Variants in RNF13 observed in about 807,000 individuals in gnomAD.
RNF13 encodes the protein E3 ubiquitin-protein ligase RNF13.
Under a neutral mutation model 37.7 loss-of-function variants are expected in RNF13, and 19 were observed. The ratio of observed to expected loss-of-function variants is 0.50; its 90% CI spans 0.35 to 0.74. The LOEUF is 0.74. Among genes scored for constraint, RNF13 ranks in the 30% least tolerant of loss-of-function variants. The pLI is 0.01. For synonymous variants in RNF13, 144 were observed against 157.8 expected (o/e 0.91, Z 0.65); for missense variants, 375 against 453.0 (o/e 0.83, Z 1.56).
intron 6 of RNF13, among the ~76,000 whole-genome samples, chr3:149,903,151 A>G (rs1199475139): frequency 6.6e-6 from 1 of 152,074 alleles, no homozygotes; most frequent in Non-Finnish European, 1.5e-5. Flanking sequence ...CTGTTCACAT[A>G]TTATATGCTC....
chr3:149,830,716 T>C (rs1009382402), intron 1 of RNF13, among the ~76,000 whole-genome samples: 3 of 150,352 alleles, frequency 2.0e-5, no homozygotes, highest in Non-Finnish European at 3.0e-5. Context: ...GCTGTAGAAA[T>C]TTGCTTAAGT....
At chr3:149,862,686 T>C (rs1278003516) in intron 3 of RNF13, among the ~76,000 whole-genome samples, 1 of 152,196 alleles carries the variant, frequency 6.6e-6, no homozygotes, top group East Asian at 1.9e-4. Context: ...TGCTGGTAGA[T>C]GCCAGTTTTT....
chr3:149,863,219 G>T (rs1435342826), intron 3 of RNF13, among the ~76,000 whole-genome samples: 1 of 152,110 alleles, frequency 6.6e-6, no homozygotes, highest in East Asian at 1.9e-4. Context: ...TAACCAGGTT[G>T]TGTTCAACTA....
At chr3:149,823,133 A>G (rs1316158773) in intron 1 of RNF13, among the ~76,000 whole-genome samples, 4 of 152,252 alleles carry the variant, frequency 2.6e-5, no homozygotes, top group South Asian at 4.1e-4. Flanking sequence ...TGGGCAAGTA[A>G]CTGAACACTT....
At chr3:149,873,557 C>A (rs73155092) in intron 4 of RNF13, among the ~76,000 whole-genome samples, 4,916 of 152,180 alleles carry the variant, frequency 0.032, 109 homozygotes, top group Non-Finnish European at 0.046. Flanking sequence ...AGCCATACTG[C>A]CTACCTGAAC....
At chr3:149,863,037 A>G (rs1724429704) in intron 3 of RNF13, among the ~76,000 whole-genome samples, 1 of 152,220 alleles carries the variant, frequency 6.6e-6, no homozygotes, top group South Asian at 2.1e-4. Context: ...TACCCTTATT[A>G]AGGTATTGTA....
At chr3:149,864,252 A>G (rs1724567738) in intron 3 of RNF13, among the ~76,000 whole-genome samples, 1 of 151,922 alleles carries the variant, frequency 6.6e-6, no homozygotes. Flanking sequence ...CTAGTTGTTC[A>G]AGAGTCTGGC....
At chr3:149,820,790 C>G (rs1198151131) in intron 1 of RNF13, among the ~76,000 whole-genome samples, 1 of 152,154 alleles carries the variant, frequency 6.6e-6, no homozygotes, top group Non-Finnish European at 1.5e-5. Flanking sequence ...AATCTCATAC[C>G]TATTAAGCAG....
chr3:149,916,048 G>A (rs974801190), intron 7 of RNF13, among the ~76,000 whole-genome samples: 2 of 151,822 alleles, frequency 1.3e-5, no homozygotes, highest in Admixed American at 1.3e-4. Flanking sequence ...CAAAATTATA[G>A]CCTCATAAAA....
At chr3:149,896,796 C>T (rs1715318808) in intron 5 of RNF13, among the ~76,000 whole-genome samples, 1 of 151,820 alleles carries the variant, frequency 6.6e-6, no homozygotes, top group Non-Finnish European at 1.5e-5. Flanking sequence ...TCCTTCTTAA[C>T]CCTAATAGAG....
At chr3:149,837,252 C>A (rs1251762774) in intron 1 of RNF13, among the ~76,000 whole-genome samples, 3 of 152,106 alleles carry the variant, frequency 2.0e-5, no homozygotes, top group Non-Finnish European at 4.4e-5. Context: ...AATTCTCAAA[C>A]ATATAGAAAA....
intron 8 of RNF13, among the ~76,000 whole-genome samples, chr3:149,953,958 A>G (rs574840274): frequency 6.6e-6 from 1 of 152,242 alleles, no homozygotes; most frequent in Non-Finnish European, 1.5e-5. Flanking sequence ...TAGTGTCATC[A>G]AAATTCAGTT....
At chr3:149,921,294 A>T in intron 8 of RNF13, 67 bp downstream of exon 8, 1 of 570,770 alleles carries the variant, frequency 1.8e-6, no homozygotes, top group Non-Finnish European at 2.7e-6. Context: ...TATACTCTTT[A>T]AAAAAATTTT....
At chr3:149,882,563 A>G (rs1713550008) in intron 4 of RNF13, among the ~76,000 whole-genome samples, 1 of 152,138 alleles carries the variant, frequency 6.6e-6, no homozygotes, top group South Asian at 2.1e-4. Flanking sequence ...TTTTCTAGTA[A>G]TTAATGTTTA....
chr3:149,955,902 C>G (rs1221498832), intron 8 of RNF13, among the ~76,000 whole-genome samples: 1 of 152,108 alleles, frequency 6.6e-6, no homozygotes, highest in African/African-American at 2.4e-5. Context: ...CAGTTTCAAG[C>G]CTTGTTTAAA....
At chr3:149,879,980 T>C (rs999983486) in intron 4 of RNF13, among the ~76,000 whole-genome samples, 1 of 152,220 alleles carries the variant, frequency 6.6e-6, no homozygotes, top group African/African-American at 2.4e-5. Flanking sequence ...GCTTATGTTT[T>C]ATGCAGTTCT....
intron 3 of RNF13, among the ~76,000 whole-genome samples, chr3:149,861,044 C>G (rs1365179283): frequency 6.6e-6 from 1 of 151,892 alleles, no homozygotes; most frequent in Non-Finnish European, 1.5e-5. Context: ...AAATGTAAAT[C>G]AAAACCACAG....
chr3:149,920,055 T>C (rs1717961511), intron 7 of RNF13, among the ~76,000 whole-genome samples: 2 of 152,230 alleles, frequency 1.3e-5, no homozygotes, highest in Admixed American at 1.3e-4. Context: ...TATAGTGAAG[T>C]ATCTTCAAAT....
At chr3:149,840,441 A>G (rs1463780880) in intron 1 of RNF13, among the ~76,000 whole-genome samples, 3 of 152,196 alleles carry the variant, frequency 2.0e-5, no homozygotes, top group Non-Finnish European at 4.4e-5. Flanking sequence ...CGAGGGGCAC[A>G]AGGAGGAGGA....
Sources: gnomAD v4.1 joint callset for allele counts (sites outside exome capture counted in the v4.1 genomes callset) on GRCh38, gnomAD v4.1.1 for gene constraint, MANE v1.5 for transcripts, NCBI Gene and HGNC (gene_info 2026-07-23, HGNC 2026-07-21) for gene names.